The following PHF14 variants were observed in gnomAD, a reference collection of about 807,000 sequenced individuals.
The protein encoded by PHF14 is PHD finger protein 14.
Under a neutral mutation model 117.9 loss-of-function variants are expected in PHF14, and 55 were observed. The ratio of observed to expected loss-of-function variants is 0.47; its 90% CI spans 0.38 to 0.58. The LOEUF (loss-of-function observed/expected upper bound fraction) is 0.58, where lower values mean the gene tolerates loss of function less well. Among genes scored for constraint, PHF14 ranks in the 20% least tolerant of loss-of-function variants. PHF14 has a pLI of 0.00. For missense variants in PHF14, 978 were observed against 1,122.2 expected (o/e 0.87, Z 1.84); for synonymous variants, 409 against 368.6 (o/e 1.11, Z -1.26).
rs553433236 is a variant in PHF14 at position 11,007,850 on chromosome 7, A to G, written c.1046-5897A>G. 4.6e-5 allele frequency among the ~76,000 whole-genome samples: 7 copies of G among 152,276 alleles called. 1 individual carries two copies. The highest frequency in any genetic ancestry group is 1.7e-4 in the African/African-American group (7 of 41,534). ...AGGATCTTTAAGTTGAGATTTTGCT[A>G]AAAGATAGTATGCCAAATTTCGCTT... is the stretch of plus-strand genomic sequence containing the variant. On this transcript the variant is annotated intron_variant, in intron 4 of 17. Coordinates refer to ENST00000634607, the MANE Select transcript of PHF14 (RefSeq NM_001007157.2).
At chr7:11,100,993 T>A (rs1366749467) in intron 16 of PHF14, among the ~76,000 whole-genome samples, 1 of 151,932 alleles carries the variant, frequency 6.6e-6, no homozygotes, top group Non-Finnish European at 1.5e-5. Flanking sequence ...AACAATTTTT[T>A]CTACATTAAT....
chr7:11,070,549 C>T (rs1785582289), intron 16 of PHF14, among the ~76,000 whole-genome samples: 1 of 152,156 alleles, frequency 6.6e-6, no homozygotes. Flanking sequence ...ATATTTTCTT[C>T]TTCCTTCTAA....
chr7:11,065,792 T>G (rs1443448037), intron 16 of PHF14, among the ~76,000 whole-genome samples: 1 of 152,194 alleles, frequency 6.6e-6, no homozygotes, highest in Non-Finnish European at 1.5e-5. Context: ...AAATTTTATC[T>G]TAACTTTATA....
chr7:11,102,223 A>T (rs1264762684), intron 16 of PHF14, among the ~76,000 whole-genome samples: 1 of 151,848 alleles, frequency 6.6e-6, no homozygotes, highest in African/African-American at 2.4e-5. Context: ...CTTTAGAAAG[A>T]TAGGTTTATT....
chr7:11,091,037 C>T (rs2906553), intron 16 of PHF14, among the ~76,000 whole-genome samples: 72,238 of 151,838 alleles, frequency 0.48, 17,790 homozygotes, highest in East Asian at 0.85. Context: ...TTAAGGGGTC[C>T]AATGGAGATT....
At chr7:11,079,786 TTTTG>T (rs1021369498) in intron 16 of PHF14, among the ~76,000 whole-genome samples, 25 of 152,250 alleles carry the variant, frequency 1.6e-4, no homozygotes, top group Non-Finnish European at 2.6e-4. Context: ...TCAAAAATGA[TTTTG>T]TTTGTTCTTT....
intron 4 of PHF14, among the ~76,000 whole-genome samples, chr7:11,002,809 A>G (rs1782925089): frequency 6.6e-6 from 1 of 152,148 alleles, no homozygotes; most frequent in African/African-American, 2.4e-5. Context: ...AGAGGCAAAA[A>G]TGAAATGCTG....
chr7:11,106,412 C>T (rs1296926487), intron 16 of PHF14: 6 of 959,294 alleles, frequency 6.3e-6, no homozygotes, highest in Non-Finnish European at 7.4e-6. Context: ...AAACCATTTT[C>T]TAATTATTTT....
chr7:10,980,037 A>T (rs1316317377), intron 2 of PHF14, among the ~76,000 whole-genome samples: 2 of 152,138 alleles, frequency 1.3e-5, no homozygotes, highest in African/African-American at 4.8e-5. Flanking sequence ...AAGGAGTCTC[A>T]ATTTACCTCT....
intron 16 of PHF14, among the ~76,000 whole-genome samples, chr7:11,082,696 A>T (rs1786196486): frequency 6.6e-6 from 1 of 152,154 alleles, no homozygotes; most frequent in African/African-American, 2.4e-5. Context: ...GACCAAATAG[A>T]TATTTCTCCA....
chr7:11,121,913 G>C (rs1787768138), intron 17 of PHF14, among the ~76,000 whole-genome samples: 1 of 151,678 alleles, frequency 6.6e-6, no homozygotes, highest in Non-Finnish European at 1.5e-5. Flanking sequence ...TTGTTCCGTA[G>C]GTATACATGT....
intron 2 of PHF14, among the ~76,000 whole-genome samples, chr7:10,979,296 G>A (rs1781975846): frequency 6.6e-6 from 1 of 151,918 alleles, no homozygotes; most frequent in Non-Finnish European, 1.5e-5. Flanking sequence ...CCACTCAGAG[G>A]AGTTTTTAAA....
At chr7:10,989,643 C>G (rs761607393) in intron 3 of PHF14, among the ~76,000 whole-genome samples, 25 of 151,956 alleles carry the variant, frequency 1.6e-4, no homozygotes, top group Non-Finnish European at 2.9e-4. Flanking sequence ...TATACTTTTT[C>G]TTTTTGAGAC....
At chr7:11,113,300 C>T (rs1453951406) in intron 17 of PHF14, among the ~76,000 whole-genome samples, 1 of 152,012 alleles carries the variant, frequency 6.6e-6, no homozygotes, top group Non-Finnish European at 1.5e-5. Context: ...ACATTGCATA[C>T]ATTTTGTACA....
intron 7 of PHF14, among the ~76,000 whole-genome samples, chr7:11,033,250 T>C (rs1159196686): frequency 6.6e-6 from 1 of 152,180 alleles, no homozygotes; most frequent in Non-Finnish European, 1.5e-5. Flanking sequence ...AACGAAGAAG[T>C]TGAATTCACT....
chr7:11,156,379 A>G (rs751756726), intron 17 of PHF14, among the ~76,000 whole-genome samples: 7 of 152,208 alleles, frequency 4.6e-5, no homozygotes, highest in Non-Finnish European at 8.8e-5. Context: ...TAGATATCTA[A>G]TGAGCTATTA....
intron 17 of PHF14, among the ~76,000 whole-genome samples, chr7:11,138,918 A>G (rs896651267): frequency 6.6e-6 from 1 of 152,008 alleles, no homozygotes; most frequent in African/African-American, 2.4e-5. Context: ...TTTTTTTCCT[A>G]TGTTGGTAGC....
intron 12 of PHF14, among the ~76,000 whole-genome samples, chr7:11,041,933 C>G (rs1784516363): frequency 6.6e-6 from 1 of 150,482 alleles, no homozygotes; most frequent in East Asian, 1.9e-4. Flanking sequence ...GCTTTCTGTA[C>G]TTTCCAAATA....
intron 3 of PHF14, among the ~76,000 whole-genome samples, chr7:10,987,585 A>G (rs1173560748): frequency 1.3e-5 from 2 of 152,170 alleles, no homozygotes; most frequent in Non-Finnish European, 2.9e-5. Flanking sequence ...TATTCTTCCT[A>G]TAATTACATT....
Sources: allele counts gnomAD v4.1 joint callset (sites outside exome capture counted in the v4.1 genomes callset), GRCh38; gene constraint gnomAD v4.1.1; transcripts MANE v1.5; gene names NCBI Gene and HGNC (gene_info 2026-07-23, HGNC 2026-07-21).